Variants in MYO1D observed in about 807,000 individuals in gnomAD.
The protein encoded by MYO1D is myosin ID.
Under a neutral mutation model 122.0 loss-of-function variants are expected in MYO1D, and 83 were observed. That is an observed-to-expected ratio of 0.68 (90% CI 0.57 to 0.82). The LOEUF is 0.82. Among genes scored for constraint, MYO1D ranks in the 40% least tolerant of loss-of-function variants. MYO1D has a pLI of 0.00. For missense variants in MYO1D, 1,157 were observed against 1,269.5 expected (o/e 0.91, Z 1.35); for synonymous variants, 464 against 446.9 (o/e 1.04, Z -0.48).
intron 16 of MYO1D, among the ~76,000 whole-genome samples, chr17:32,665,117 T>C (rs1037983785): frequency 6.6e-6 from 1 of 152,128 alleles, no homozygotes. Flanking sequence ...GACTTCCTCA[T>C]TCTCTGCATC....
At chr17:32,743,916 C>T (rs1184384687) in intron 13 of MYO1D, among the ~76,000 whole-genome samples, 1 of 152,182 alleles carries the variant, frequency 6.6e-6, no homozygotes, top group Non-Finnish European at 1.5e-5. Context: ...CTGCGACCAG[C>T]CTCAGCCTGC....
intron 11 of MYO1D, among the ~76,000 whole-genome samples, chr17:32,751,995 C>T (rs2089903806): frequency 1.3e-5 from 2 of 151,870 alleles, no homozygotes; most frequent in South Asian, 2.1e-4. Flanking sequence ...AGAACAAAAC[C>T]AGAGGCATCA....
intron 21 of MYO1D, among the ~76,000 whole-genome samples, chr17:32,563,201 TCTCTC>T (rs1597899750): frequency 7.8e-6 from 1 of 127,600 alleles, no homozygotes; most frequent in African/African-American, 3.1e-5. Flanking sequence ...CTTTTTTTCT[TCTCTC>T]TTTTTTTTTT....
intron 21 of MYO1D, among the ~76,000 whole-genome samples, chr17:32,543,118 C>T (rs1033783171): frequency 3.3e-5 from 5 of 149,990 alleles, no homozygotes; most frequent in East Asian, 3.9e-4. Context: ...CCCAGCTACT[C>T]GGGAGGCTGA....
chr17:32,612,640 C>T (rs1429583951), intron 20 of MYO1D, among the ~76,000 whole-genome samples: 1 of 139,786 alleles, frequency 7.2e-6, no homozygotes, highest in East Asian at 2.1e-4. Flanking sequence ...GAGCTGATCA[C>T]GCCACTGCAC....
chr17:32,691,240 G>C (rs1198559650), intron 16 of MYO1D, among the ~76,000 whole-genome samples: 2 of 144,678 alleles, frequency 1.4e-5, no homozygotes, highest in Non-Finnish European at 3.0e-5. Context: ...CTGGGTGACA[G>C]AGCAAGAAGA....
intron 21 of MYO1D, among the ~76,000 whole-genome samples, chr17:32,601,361 G>A (rs1172146349): frequency 6.6e-6 from 1 of 152,140 alleles, no homozygotes; most frequent in Non-Finnish European, 1.5e-5. Context: ...GAATAGGGGA[G>A]CCTGAGGAGA....
At chr17:32,587,146 A>G (rs2087393776) in intron 21 of MYO1D, among the ~76,000 whole-genome samples, 1 of 152,222 alleles carries the variant, frequency 6.6e-6, no homozygotes, top group Admixed American at 6.5e-5. Context: ...TGCAAGTTAC[A>G]TAAACTCAAT....
At chr17:32,545,485 A>G (rs1414518415) in intron 21 of MYO1D, among the ~76,000 whole-genome samples, 1 of 152,196 alleles carries the variant, frequency 6.6e-6, no homozygotes, top group African/African-American at 2.4e-5. Flanking sequence ...TAATGGGGAA[A>G]GGAACGTGAG....
At chr17:32,502,354 G>C (rs529616654) in intron 21 of MYO1D, among the ~76,000 whole-genome samples, 1 of 152,212 alleles carries the variant, frequency 6.6e-6, no homozygotes, top group Non-Finnish European at 1.5e-5. Flanking sequence ...ATAGCCAGAA[G>C]AGGCAAAGCC....
chr17:32,698,416 C>T (rs1567954833), intron 16 of MYO1D, among the ~76,000 whole-genome samples: 1 of 138,242 alleles, frequency 7.2e-6, no homozygotes, highest in Non-Finnish European at 1.5e-5. Flanking sequence ...CAAAAGTAAT[C>T]AATTTTATAT....
At chr17:32,541,950 C>G (rs114382141) in intron 21 of MYO1D, among the ~76,000 whole-genome samples, 2,170 of 152,266 alleles carry the variant, frequency 0.014, 57 homozygotes, top group African/African-American at 0.05. Context: ...TAACTTCACC[C>G]GGCTAATTCC....
chr17:32,867,763 C>T (rs990403289), intron 1 of MYO1D, among the ~76,000 whole-genome samples: 3 of 133,370 alleles, frequency 2.2e-5, no homozygotes, highest in Middle Eastern at 4.7e-3. Context: ...CATGCCACTG[C>T]ACTCCAGCCT....
intron 19 of MYO1D, among the ~76,000 whole-genome samples, chr17:32,639,363 T>TTGTGTGTGTGTGTGTG (rs10674390): frequency 2.8e-4 from 36 of 128,218 alleles, no homozygotes; most frequent in Non-Finnish European, 4.8e-4. Context: ...GGGAGAAATT[T>TTGTGTGTGTGTGTGTG]TGTGTGTGTG....
At chr17:32,761,285 C>T (rs978649196) in intron 8 of MYO1D, among the ~76,000 whole-genome samples, 74 of 152,260 alleles carry the variant, frequency 4.9e-4, no homozygotes, top group African/African-American at 1.7e-3. Context: ...CCATTACCTC[C>T]CCTTTACTCT....
chr17:32,536,169 G>C (rs1813510491), intron 21 of MYO1D, among the ~76,000 whole-genome samples: 1 of 152,110 alleles, frequency 6.6e-6, no homozygotes, highest in Non-Finnish European at 1.5e-5. Flanking sequence ...GAGTAGCTGG[G>C]ATTTACAGGT....
chr17:32,657,236 CAT>C (rs1336366366), intron 17 of MYO1D, among the ~76,000 whole-genome samples: 2 of 152,174 alleles, frequency 1.3e-5, no homozygotes, highest in African/African-American at 4.8e-5. Context: ...GAAAAACAAA[CAT>C]AAGAATGTTA....
intron 16 of MYO1D, among the ~76,000 whole-genome samples, chr17:32,674,477 T>C (rs2088774810): frequency 6.6e-6 from 1 of 152,226 alleles, no homozygotes; most frequent in Non-Finnish European, 1.5e-5. Context: ...ATCGTTTTAC[T>C]GGTATGTGCC....
intron 16 of MYO1D, among the ~76,000 whole-genome samples, chr17:32,676,729 G>C (rs1416519375): frequency 1.3e-5 from 2 of 152,110 alleles, no homozygotes; most frequent in East Asian, 3.9e-4. Flanking sequence ...AAATAAATCT[G>C]TTACTCTCTA....
Sources: allele counts gnomAD v4.1 joint callset (sites outside exome capture counted in the v4.1 genomes callset), GRCh38; gene constraint gnomAD v4.1.1; transcripts MANE v1.5; gene names NCBI Gene and HGNC (gene_info 2026-07-23, HGNC 2026-07-21).